The following ZNF814 variants were observed in gnomAD, a reference collection of about 807,000 sequenced individuals.
ZNF814 encodes zinc finger protein 814.
Under a neutral mutation model 7.5 loss-of-function variants are expected in ZNF814, and 5 were observed. The observed-to-expected ratio is 0.67, with a 90% CI of 0.35 to 1.40. ZNF814 has a LOEUF of 1.40. Among genes scored for constraint, ZNF814 ranks in the 40% most tolerant of loss-of-function variants. The probability of loss-of-function intolerance (pLI) is 0.04; values close to 1 mark genes in which losing one functional copy is unlikely to be tolerated. For missense variants in ZNF814, 962 were observed against 1,018.0 expected, an observed-to-expected ratio of 0.94 and a Z score of 0.75; for synonymous variants, 315 against 340.7, an observed-to-expected ratio of 0.92 and a Z score of 0.83.
intron 1 of ZNF814, among the ~76,000 whole-genome samples, chr19:57,877,502 G>A (rs1476707813): frequency 6.6e-6 from 1 of 152,050 alleles, no homozygotes; most frequent in Non-Finnish European, 1.5e-5. Context: ...GAATGTAGTG[G>A]CATGATCTCG....
chr19:57,885,382 G>A (rs1395503945), intron 1 of ZNF814, among the ~76,000 whole-genome samples: 1 of 150,244 alleles, frequency 6.7e-6, no homozygotes, highest in East Asian at 2.0e-4. Context: ...TGTAATCTCA[G>A]CACTTCGGGA....
rs1322846966 is a variant in ZNF814 at position 57,873,708 on chromosome 19, C to G, written c.1682G>C (p.Gly561Ala). 3 of 1,613,256 alleles carry G rather than the reference C, an allele frequency of 1.9e-6. No homozygotes were observed. Among genetic ancestry groups the G allele is most frequent in the Non-Finnish European group, 2.5e-6 (3 of 1,179,744 alleles). Residue 561 changes from glycine to alanine, a missense_variant, in exon 3 of 3, where the codon GGC becomes GCC. Coordinates refer to ENST00000435989, the MANE Select transcript of ZNF814 (RefSeq NM_001144989.2). The stretch of plus-strand genomic sequence containing the variant: ...AACTCGCTGATGTAGAATGAGGGTG[C>G]CTTTATGACTAAAAGATTTCCCACA... The part of the protein sequence containing the change: ...GECGKSFSHK[G>A]TLILHQRVHP...
intron 1 of ZNF814, among the ~76,000 whole-genome samples, chr19:57,877,283 G>A (rs555691137): frequency 6.6e-6 from 1 of 152,220 alleles, no homozygotes; most frequent in Non-Finnish European, 1.5e-5. Context: ...GTATGGCCAA[G>A]GTCATGGAAA....
Position 57,888,855 on chromosome 19 carries a change from A to T in ZNF814, c.-53T>A. ...GGAGGATAGGGCGACCAGCCAGGAG[A>T]TATGGGCACGACGGTCCGTATCCTG... On this transcript the variant is annotated 5_prime_UTR_variant, in exon 1 of 3. Transcript: ENST00000435989. The T allele has an allele frequency of 6.5e-7, 1 of 1,546,214 alleles. No individual in the cohort carries two copies. The highest frequency in any genetic ancestry group is 2.0e-5 in the Admixed American group (1 of 50,948).
chr19:57,887,650 T>G (rs1204070560), intron 1 of ZNF814, among the ~76,000 whole-genome samples: 1 of 152,156 alleles, frequency 6.6e-6, no homozygotes, highest in African/African-American at 2.4e-5. Context: ...CCCCCTTGAT[T>G]TACAAGACAT....
upstream of ZNF814, chr19:57,889,058 G>A (rs1016505860): frequency 8.2e-5 from 44 of 538,226 alleles, no homozygotes; most frequent in Non-Finnish European, 1.4e-4. Flanking sequence ...AGAGGGCGCC[G>A]GAAGTCCGGA....
At chr19:57,893,747 C>T (rs1365978243), upstream of ZNF814, among the ~76,000 whole-genome samples, 1 of 151,650 alleles carries the variant, frequency 6.6e-6, no homozygotes, top group Non-Finnish European at 1.5e-5. Flanking sequence ...GGTAAAACCC[C>T]GTCTCTACTA....
chr19:57,900,108 T>C, the ZNF814 span, among the ~76,000 whole-genome samples: 1 of 152,198 alleles, frequency 6.6e-6, no homozygotes, highest in African/African-American at 2.4e-5. Flanking sequence ...TTACTGTTTT[T>C]ACTGATGGGT....
chr19:57,896,846 G>A, the ZNF814 span, among the ~76,000 whole-genome samples: 8 of 152,024 alleles, frequency 5.3e-5, no homozygotes, highest in South Asian at 4.1e-4. This position sits in a 1 kb window ranked among gnomAD's most constrained non-coding sequence, Gnocchi z 4.2. Flanking sequence ...TTTAAAACCC[G>A]GTGGGCTGAT....
At chr19:57,901,307 C>T in the ZNF814 span, among the ~76,000 whole-genome samples, 5 of 152,190 alleles carry the variant, frequency 3.3e-5, no homozygotes, top group Admixed American at 1.3e-4. Context: ...AATTACACCT[C>T]GCTTTATTAA....
At chr19:57,902,024 T>C in the ZNF814 span, among the ~76,000 whole-genome samples, 1 of 152,200 alleles carries the variant, frequency 6.6e-6, no homozygotes, top group Non-Finnish European at 1.5e-5. Flanking sequence ...TAGGACCTGC[T>C]GCTGGATGCT....
At chr19:57,892,251 A>G (rs1388822099), upstream of ZNF814, among the ~76,000 whole-genome samples, 2 of 152,208 alleles carry the variant, frequency 1.3e-5, no homozygotes, top group Non-Finnish European at 2.9e-5. Flanking sequence ...TTTCATTGAC[A>G]CTGAAGAAAC....
At position 57,874,602 on chromosome 19, in the gene ZNF814, ACTCT is replaced by A; in HGVS notation, c.784_787del (p.Arg262PhefsTer208). On this transcript the variant is annotated frameshift_variant, in exon 3 of 3. Coordinates refer to ENST00000435989, the MANE Select transcript of ZNF814 (RefSeq NM_001144989.2). LOFTEE classifies it low-confidence loss of function (END_TRUNC). Reference sequence around the variant, plus strand: ...ACATTCATGTTTTTTTTCAGTGTGAACTCTCTGATGATTACTCAAGCTAGCATAT... The same window carrying A: ...ACATTCATGTTTTTTTTCAGTGTGAACTGATGATTACTCAAGCTAGCATAT... 6.4e-7 allele frequency: 1 copy of A among 1,552,250 alleles called. No individual in the cohort carries two copies. The highest frequency in any genetic ancestry group is 1.4e-5 in the African/African-American group (1 of 73,106).
At position 57,872,947 on chromosome 19, in the gene ZNF814, G is replaced by A. The variant is rs745829858; in HGVS notation, c.2443C>T (p.Leu815Phe). Residue 815 changes from leucine (L) to phenylalanine (F), a missense_variant, in exon 3 of 3, where the codon CTC (leucine) becomes TTC (phenylalanine). Physicochemically the swap from Leu to Phe is conservative, Grantham distance 22. Transcript: ENST00000435989. The stretch of plus-strand genomic sequence containing the variant: ...GTGTGAACTCTCTTGTGTTTAGTGA[G>A]ACTGGAGCTTTCAGCAAAAGATTTT... ...CGKSFAESSS[L>F]TKHKRVHTGE... 1 of 1,613,692 alleles carries A rather than the reference G, an allele frequency of 6.2e-7. No individual in the cohort carries two copies. The highest frequency in any genetic ancestry group is 8.5e-7 in the Non-Finnish European group (1 of 1,179,890).
At chr19:57,902,047 C>G in the ZNF814 span, among the ~76,000 whole-genome samples, 5 of 152,180 alleles carry the variant, frequency 3.3e-5, no homozygotes, top group Admixed American at 2.0e-4. Flanking sequence ...CAAATTGGCA[C>G]ACAAGTATGG....
intron 1 of ZNF814, among the ~76,000 whole-genome samples, chr19:57,883,838 A>G (rs79688532): frequency 5.3e-5 from 8 of 151,324 alleles, no homozygotes; most frequent in African/African-American, 1.7e-4. Context: ...GCTCACTGCA[A>G]CCTCCACCTC....
the ZNF814 span, among the ~76,000 whole-genome samples, chr19:57,897,053 CT>C: frequency 1.3e-5 from 2 of 152,112 alleles, no homozygotes; most frequent in Non-Finnish European, 2.9e-5. Flanking sequence ...GAAAAATATC[CT>C]TTTTTCAGTT....
At chr19:57,894,924 C>T in the ZNF814 span, among the ~76,000 whole-genome samples, 4 of 151,892 alleles carry the variant, frequency 2.6e-5, no homozygotes, top group African/African-American at 7.3e-5. Context: ...ATTTTAGAAA[C>T]GGAGCCTTCA....
chr19:57,885,530 TGAGGCAG>T (rs921212509), intron 1 of ZNF814, among the ~76,000 whole-genome samples: 6 of 150,164 alleles, frequency 4.0e-5, no homozygotes, highest in Non-Finnish European at 7.4e-5. Flanking sequence ...CTCCAGAGGC[TGAGGCAG>T]GAGAATCGCG....
Sources: allele counts gnomAD v4.1 joint callset (sites outside exome capture counted in the v4.1 genomes callset), GRCh38; gene constraint gnomAD v4.1.1; non-coding constraint Gnocchi (gnomAD v3.1); transcripts MANE v1.5; gene names NCBI Gene and HGNC (gene_info 2026-07-23, HGNC 2026-07-21).